FAF2: variants seen among roughly 807,000 people sequenced by gnomAD.
FAF2 encodes the protein Fas associated factor family member 2.
FAF2 carries 9 observed loss-of-function variants against 62.3 expected under a neutral mutation model. The ratio of observed to expected loss-of-function variants is 0.14; its 90% CI spans 0.09 to 0.25. The LOEUF (loss-of-function observed/expected upper bound fraction) is 0.25, where lower values mean the gene tolerates loss of function less well. FAF2 is among the 10% of genes least tolerant of loss of function. The pLI, the probability that FAF2 is intolerant of heterozygous loss-of-function variation, is 1.00. For synonymous variants in FAF2, 202 were observed against 198.0 expected (o/e 1.02, Z -0.17); for missense variants, 368 against 556.2 (o/e 0.66, Z 3.40).
At position 176,506,905 on chromosome 5, in the gene FAF2, C is replaced by T; in HGVS notation, c.1293C>T (p.Leu431=). 1.2e-6 allele frequency: 2 copies of T among 1,606,430 alleles called. No individual in the cohort carries two copies. Among genetic ancestry groups the T allele is most frequent in the South Asian group, 1.1e-5 (1 of 90,012 alleles). The change falls in exon 11 of 11, where the codon CTC becomes CTT. Residue 431 remains leucine (L), a synonymous_variant. Transcript: ENST00000261942. ...PNPPTLQEAG[L]SHTEVLFVQD... ...CCCCTACGCTACAGGAGGCCGGACT[C>T]AGCCACACAGAAGTTCTTTTTGTTC... is the stretch of plus-strand genomic sequence containing the variant.
intron 2 of FAF2, among the ~76,000 whole-genome samples, chr5:176,479,756 G>A (rs2113732964): frequency 6.6e-6 from 1 of 152,088 alleles, no homozygotes; most frequent in South Asian, 2.1e-4. Flanking sequence ...GAGTGCAGTG[G>A]CGTGCTCTCA....
chr5:176,486,519 C>CT, intron 3 of FAF2, 30 bp downstream of exon 3: 1 of 1,611,630 alleles, frequency 6.2e-7, no homozygotes, highest in Non-Finnish European at 8.5e-7. Context: ...GGATTTCCCC[C>CT]TTTTTTATTT....
At chr5:176,487,851 G>C (rs1027666524) in intron 3 of FAF2, among the ~76,000 whole-genome samples, 1 of 151,836 alleles carries the variant, frequency 6.6e-6, no homozygotes, top group Non-Finnish European at 1.5e-5. Context: ...ATGTTTGTTT[G>C]TTTTGTTTTG....
chr5:176,505,299 T>C (rs1055702411), intron 10 of FAF2, among the ~76,000 whole-genome samples: 2 of 152,172 alleles, frequency 1.3e-5, no homozygotes, highest in African/African-American at 4.8e-5. Flanking sequence ...AGTGGCCTGT[T>C]CCACAGGCAT....
chr5:176,464,228 G>A (rs1758427439), intron 1 of FAF2, among the ~76,000 whole-genome samples: 1 of 152,040 alleles, frequency 6.6e-6, no homozygotes, highest in South Asian at 2.1e-4. Context: ...GATTACAGGT[G>A]TGAGCTGCCA....
Position 176,470,368 on chromosome 5 carries a change from G to A in FAF2, c.64-8820G>A, listed in dbSNP as rs376569130. ...CGAGGCGGGCGGATCACCTGAGGTCGGGAGTTCGAGACCAGCCTGACCAAC... is the reference window on the plus strand; with the variant it reads ...CGAGGCGGGCGGATCACCTGAGGTCAGGAGTTCGAGACCAGCCTGACCAAC... On this transcript the variant is annotated intron_variant, in intron 1 of 10. Transcript: ENST00000261942. Among the ~76,000 whole-genome samples the A allele has an allele frequency of 3.3e-4, 50 of 152,260 alleles. No individual in the cohort carries two copies. The South Asian group carries it at 7.3e-3, about 22-fold the overall frequency.
At chr5:176,489,909 T>C (rs1010054094) in intron 4 of FAF2, among the ~76,000 whole-genome samples, 22 of 152,206 alleles carry the variant, frequency 1.4e-4, no homozygotes, top group Admixed American at 5.2e-4. Flanking sequence ...AACCCTTTTA[T>C]GTATATACCC....
At chr5:176,483,614 G>A (rs1031945808) in intron 2 of FAF2, among the ~76,000 whole-genome samples, 1 of 152,180 alleles carries the variant, frequency 6.6e-6, no homozygotes, top group Admixed American at 6.5e-5. Context: ...AGGGCACACT[G>A]CCCTCCTAAA....
rs915057761 is a variant in FAF2 at position 176,508,559 on chromosome 5, C to T, written c.*1609C>T. 2.0e-5 allele frequency: 3 copies of T among 152,200 alleles called. No individual in the cohort carries two copies. The highest frequency in any genetic ancestry group is 7.2e-5 in the African/African-American group (3 of 41,450). The allele number at this position is 152,200 out of a possible 1,614,324, so 9.4% of individuals were successfully genotyped here. A position where few individuals can be genotyped will look rare whatever the true frequency, so the allele number is the denominator to read the frequency against. On this transcript the variant is annotated 3_prime_UTR_variant, in exon 11 of 11. Coordinates refer to ENST00000261942, the MANE Select transcript of FAF2 (RefSeq NM_014613.3). ...GTAAATCCCACATGGCAGAGTAAGG[C>T]ACCCCACAGAAATTAACTTGGAGAG...
intron 1 of FAF2, among the ~76,000 whole-genome samples, chr5:176,460,622 T>C (rs1430419016): frequency 6.6e-6 from 1 of 151,326 alleles, no homozygotes; most frequent in Non-Finnish European, 1.5e-5. Flanking sequence ...CTCAGCTCAC[T>C]GCAGCCTCTG....
intron 1 of FAF2, among the ~76,000 whole-genome samples, chr5:176,451,812 AC>A (rs1758178107): frequency 4.5e-5 from 1 of 22,184 alleles, no homozygotes; most frequent in Non-Finnish European, 8.3e-5. Flanking sequence ...ATATATATAC[AC>A]ACATATATAT....
rs749020415 is a variant in FAF2 at position 176,494,291 on chromosome 5, T to G, written c.661+16T>G. 6 of 1,588,958 alleles carry G rather than the reference T, an allele frequency of 3.8e-6. No individual in the cohort carries two copies. The highest frequency in any genetic ancestry group is 1.3e-5 in the African/African-American group (1 of 74,432). On this transcript the variant is annotated intron_variant, in intron 7 of 10. Coordinates refer to ENST00000261942, the MANE Select transcript of FAF2 (RefSeq NM_014613.3). The surrounding 1 kb of genome is among the most constrained non-coding windows in gnomAD (Gnocchi z 4.0). Reference sequence around the variant, plus strand: ...GGATACAGGGGTAAGTTATGTTTCTTCTGCCTCATTGAGATTGTTGGAGTA... The same window carrying G: ...GGATACAGGGGTAAGTTATGTTTCTGCTGCCTCATTGAGATTGTTGGAGTA...
intron 1 of FAF2, among the ~76,000 whole-genome samples, chr5:176,452,871 G>A (rs915087569): frequency 2.6e-5 from 4 of 152,214 alleles, no homozygotes; most frequent in Non-Finnish European, 5.9e-5. Context: ...GCAGTATGGA[G>A]TATGTGTTTG....
At chr5:176,448,908 A>C (rs1275234986) in intron 1 of FAF2, among the ~76,000 whole-genome samples, 1 of 152,114 alleles carries the variant, frequency 6.6e-6, no homozygotes, top group African/African-American at 2.4e-5. Context: ...ACACTCCCAC[A>C]AACTGGGGCC....
At position 176,494,965 on chromosome 5, in the gene FAF2, G is replaced by A. The variant is rs1759037701; in HGVS notation, c.661+690G>A. On this transcript the variant is annotated intron_variant, in intron 7 of 10. Coordinates refer to ENST00000261942, the MANE Select transcript of FAF2 (RefSeq NM_014613.3). This position sits in a 1 kb window ranked among gnomAD's most constrained non-coding sequence, Gnocchi z 4.0. ...AATACCCAGTCTTGGCTAGCAGCTTGCTTTTAATCTTAATGGGCTTTTTAC... is the reference window on the plus strand; with the variant it reads ...AATACCCAGTCTTGGCTAGCAGCTTACTTTTAATCTTAATGGGCTTTTTAC... 6.6e-6 allele frequency among the ~76,000 whole-genome samples: 1 copy of A among 152,170 alleles called. No individual in the cohort carries two copies. Among genetic ancestry groups the A allele is most frequent in the African/African-American group, 2.4e-5 (1 of 41,436 alleles).
At chr5:176,477,187 T>C (rs556981359) in intron 1 of FAF2, among the ~76,000 whole-genome samples, 16 of 133,254 alleles carry the variant, frequency 1.2e-4, no homozygotes, top group African/African-American at 2.9e-4. Flanking sequence ...CCTCATGATC[T>C]GACCGCCTCG....
chr5:176,506,961 T>A lies in FAF2; in HGVS notation c.*11T>A. 3 of 1,506,616 alleles carry A rather than the reference T, an allele frequency of 2.0e-6. No homozygotes were observed. Among genetic ancestry groups the A allele is most frequent in the Non-Finnish European group, 2.7e-6 (3 of 1,116,176 alleles). 93.3% of individuals were successfully genotyped at this position (1,506,616 alleles called of 1,614,324 possible). On this transcript the variant is annotated 3_prime_UTR_variant, in exon 11 of 11. Transcript: ENST00000261942. ...CTAACTGACGAATGACATTTTTTTC[T>A]TCCTGTCCCCTCCTACCCCAGTCCC...
chr5:176,474,807 G>A (rs1191623129), intron 1 of FAF2, among the ~76,000 whole-genome samples: 2 of 152,170 alleles, frequency 1.3e-5, no homozygotes, highest in African/African-American at 4.8e-5. Context: ...TCTTCAGTAT[G>A]TGTGGTTTGT....
At chr5:176,477,511 T>C (rs900029343) in intron 1 of FAF2, among the ~76,000 whole-genome samples, 5 of 152,172 alleles carry the variant, frequency 3.3e-5, no homozygotes, top group Admixed American at 2.0e-4. Context: ...CAGAAGGGAA[T>C]AGGCAAATGT....
Sources: gnomAD v4.1 joint callset for allele counts (sites outside exome capture counted in the v4.1 genomes callset) on GRCh38, gnomAD v4.1.1 for gene constraint, Gnocchi (gnomAD v3.1) non-coding constraint, MANE v1.5 for transcripts, NCBI Gene and HGNC (gene_info 2026-07-23, HGNC 2026-07-21) for gene names.